ABLIM1: variants seen among roughly 807,000 people sequenced by gnomAD.
ABLIM1 encodes the protein actin binding LIM protein 1.
Under a neutral mutation model 107.0 loss-of-function variants are expected in ABLIM1, and 40 were observed. That is an observed-to-expected ratio of 0.37 (90% CI 0.29 to 0.49). The LOEUF is 0.49. Among genes scored for constraint, ABLIM1 ranks in the 20% least tolerant of loss-of-function variants. The probability of loss-of-function intolerance (pLI) is 0.97; values close to 1 mark genes in which losing one functional copy is unlikely to be tolerated. For missense variants in ABLIM1, 857 were observed against 1,008.5 expected, an observed-to-expected ratio of 0.85 and a Z score of 2.04; for synonymous variants, 357 against 357.3, an observed-to-expected ratio of 1.00 and a Z score of 0.01.
At chr10:114,462,677 C>T (rs927944875) in intron 12 of ABLIM1, among the ~76,000 whole-genome samples, 3 of 152,006 alleles carry the variant, frequency 2.0e-5, no homozygotes, top group Non-Finnish European at 2.9e-5. Flanking sequence ...TGCTGAGACA[C>T]GTTGCGTATT....
intron 12 of ABLIM1, among the ~76,000 whole-genome samples, chr10:114,458,440 G>C (rs2063242337): frequency 6.6e-6 from 1 of 152,090 alleles, no homozygotes; most frequent in Admixed American, 6.6e-5. Context: ...CTAATTCTAA[G>C]ACAAGCGAAT....
chr10:114,754,215 G>A (rs571296206), intron 1 of ABLIM1, among the ~76,000 whole-genome samples: 8 of 152,298 alleles, frequency 5.3e-5, no homozygotes, highest in African/African-American at 1.4e-4. Context: ...GTCTAACTTA[G>A]TAGAATTCAA....
intron 6 of ABLIM1, among the ~76,000 whole-genome samples, chr10:114,498,698 G>A (rs879764085): frequency 6.6e-6 from 1 of 152,168 alleles, no homozygotes; most frequent in Non-Finnish European, 1.5e-5. Flanking sequence ...ATCAGAGAAG[G>A]ACATGATTTT....
At chr10:114,449,265 C>T (rs1248444350) in intron 14 of ABLIM1, among the ~76,000 whole-genome samples, 1 of 152,188 alleles carries the variant, frequency 6.6e-6, no homozygotes, top group Non-Finnish European at 1.5e-5. Flanking sequence ...CCAGGGATGT[C>T]ACTAAATATT....
At chr10:114,730,131 C>T (rs2082041483) in intron 1 of ABLIM1, among the ~76,000 whole-genome samples, 1 of 152,144 alleles carries the variant, frequency 6.6e-6, no homozygotes, top group Admixed American at 6.5e-5. Context: ...GGTGTGGTGG[C>T]TCACGCCTGT....
chr10:114,461,379 T>A (rs2133341182), intron 12 of ABLIM1, among the ~76,000 whole-genome samples: 1 of 140,362 alleles, frequency 7.1e-6, no homozygotes, highest in South Asian at 2.3e-4. Flanking sequence ...CTCTTTAAAA[T>A]ACACAACTGA....
chr10:114,549,013 C>T (rs1234548052), intron 4 of ABLIM1, among the ~76,000 whole-genome samples: 1 of 152,256 alleles, frequency 6.6e-6, no homozygotes, highest in Non-Finnish European at 1.5e-5. Flanking sequence ...CCTTGAGACC[C>T]AATCGCTGAC....
intron 2 of ABLIM1, among the ~76,000 whole-genome samples, chr10:114,592,164 G>T (rs2074953481): frequency 6.6e-6 from 1 of 152,116 alleles, no homozygotes; most frequent in Admixed American, 6.6e-5. Flanking sequence ...ATATATATGT[G>T]CACACACATA....
chr10:114,694,965 C>T (rs1033281602), intron 1 of ABLIM1, among the ~76,000 whole-genome samples: 3 of 152,136 alleles, frequency 2.0e-5, no homozygotes, highest in Admixed American at 6.5e-5. Flanking sequence ...GCACCCAACC[C>T]GGACTCTCCA....
At chr10:114,517,123 A>C (rs1444697170) in intron 6 of ABLIM1, among the ~76,000 whole-genome samples, 1 of 152,164 alleles carries the variant, frequency 6.6e-6, no homozygotes, top group East Asian at 1.9e-4. Flanking sequence ...TCCGATTTTT[A>C]GATGGGAGGG....
At chr10:114,536,204 ACTGT>A (rs1422120516) in intron 6 of ABLIM1, among the ~76,000 whole-genome samples, 2 of 122,602 alleles carry the variant, frequency 1.6e-5, no homozygotes, top group Non-Finnish European at 3.4e-5. Flanking sequence ...GTCTTTTGTG[ACTGT>A]CTTTTTCCTT....
chr10:114,565,022 CAG>C lies in ABLIM1; in HGVS notation c.673+6273_673+6274del, dbSNP rs2070458426. 2.0e-5 allele frequency among the ~76,000 whole-genome samples: 3 copies of C among 152,178 alleles called. No individual in the cohort carries two copies. In the South Asian group the frequency reaches 6.2e-4, roughly 31 times the overall value. On this transcript the variant is annotated intron_variant, in intron 4 of 22. Coordinates refer to ENST00000533213, the MANE Select transcript of ABLIM1 (RefSeq NM_002313.7). ...GTTTCCCATTGTATAGGCAAAGAAA[CAG>C]AGATATAGAAAGATTGATTTCTCAA...
chr10:114,716,646 A>G (rs1445455800), intron 1 of ABLIM1, among the ~76,000 whole-genome samples: 1 of 152,182 alleles, frequency 6.6e-6, no homozygotes, highest in East Asian at 1.9e-4. Context: ...TCAAGTTAGA[A>G]TCATCTGGTC....
chr10:114,460,323 GGGCGCGGT>G (rs149750905), intron 12 of ABLIM1, among the ~76,000 whole-genome samples: 1,610 of 152,272 alleles, frequency 0.011, 20 homozygotes, highest in African/African-American at 0.037. Context: ...ATTTAAGGTC[GGGCGCGGT>G]GGCTCACGCC....
At chr10:114,663,977 C>T (rs989269972) in intron 1 of ABLIM1, among the ~76,000 whole-genome samples, 2 of 152,228 alleles carry the variant, frequency 1.3e-5, no homozygotes, top group Non-Finnish European at 2.9e-5. Flanking sequence ...TAATTCGTCT[C>T]TCTCAACACT....
the ABLIM1 span, among the ~76,000 whole-genome samples, chr10:114,797,400 A>C: frequency 6.9e-3 from 1,055 of 152,310 alleles, 5 homozygotes; most frequent in African/African-American, 0.024. Flanking sequence ...ATCACATAAC[A>C]GTATAGATTG....
At chr10:114,514,551 A>C (rs554453103) in intron 6 of ABLIM1, among the ~76,000 whole-genome samples, 3 of 151,536 alleles carry the variant, frequency 2.0e-5, no homozygotes, top group African/African-American at 7.3e-5. Flanking sequence ...ATTTAAAAAA[A>C]TTTTTTTTGT....
chr10:114,782,459 C>A, the ABLIM1 span, among the ~76,000 whole-genome samples: 1 of 152,070 alleles, frequency 6.6e-6, no homozygotes, highest in Admixed American at 6.5e-5. Flanking sequence ...AAAAGCTATA[C>A]GTGAGATGGA....
At chr10:114,447,000 T>C (rs187693052) in intron 15 of ABLIM1, among the ~76,000 whole-genome samples, 65 of 152,354 alleles carry the variant, frequency 4.3e-4, no homozygotes, top group African/African-American at 1.4e-3. Context: ...AATCCACTTG[T>C]ATTGCTTGTG....
Sources: allele counts gnomAD v4.1 joint callset (sites outside exome capture counted in the v4.1 genomes callset), GRCh38; gene constraint gnomAD v4.1.1; transcripts MANE v1.5; gene names NCBI Gene and HGNC (gene_info 2026-07-23, HGNC 2026-07-21).